Variants in ITGA8 observed in about 807,000 individuals in gnomAD.
ITGA8 encodes integrin subunit alpha 8, also known as integrin alpha-8.
Under a neutral mutation model 142.3 loss-of-function variants are expected in ITGA8, and 91 were observed. The ratio of observed to expected loss-of-function variants is 0.64; its 90% CI spans 0.54 to 0.76. The LOEUF (loss-of-function observed/expected upper bound fraction) is 0.76. ITGA8 is among the 30% of genes least tolerant of loss of function. ITGA8 has a pLI of 0.00. For synonymous variants in ITGA8, 505 were observed against 485.2 expected, an observed-to-expected ratio of 1.04 and a Z score of -0.54; for missense variants, 1,406 against 1,327.7, an observed-to-expected ratio of 1.06 and a Z score of -0.92.
intron 14 of ITGA8, among the ~76,000 whole-genome samples, chr10:15,614,599 G>C (rs894547577): frequency 5.3e-5 from 8 of 152,142 alleles, no homozygotes; most frequent in Admixed American, 1.3e-4. Flanking sequence ...TGGGGGAAGG[G>C]AATAGAGCAG....
intron 6 of ITGA8, among the ~76,000 whole-genome samples, chr10:15,675,280 C>T (rs1834605918): frequency 6.6e-6 from 1 of 152,110 alleles, no homozygotes; most frequent in Non-Finnish European, 1.5e-5. Flanking sequence ...CATCATCTTC[C>T]CTCTCCAGGC....
intron 12 of ITGA8, among the ~76,000 whole-genome samples, chr10:15,646,425 C>T (rs1479060801): frequency 6.6e-6 from 1 of 152,140 alleles, no homozygotes; most frequent in African/African-American, 2.4e-5. Context: ...TGTAGTAACA[C>T]CCTCAAACCA....
chr10:15,577,513 C>T (rs1274385893), intron 23 of ITGA8, among the ~76,000 whole-genome samples: 1 of 151,884 alleles, frequency 6.6e-6, no homozygotes, highest in East Asian at 1.9e-4. Flanking sequence ...AGTTCTGTAA[C>T]AAAAAATCAA....
chr10:15,594,451 A>G (rs1832979834), intron 21 of ITGA8, among the ~76,000 whole-genome samples: 1 of 152,082 alleles, frequency 6.6e-6, no homozygotes, highest in Non-Finnish European at 1.5e-5. Flanking sequence ...TGCCGACTCT[A>G]GCTTAGAACC....
In ITGA8 at chr10:15,687,962, C is replaced by G. The variant is rs146265894; in HGVS notation, c.420G>C (p.Val140=). Residue 140 remains valine, a synonymous_variant, in exon 3 of 30, where the codon GTG becomes GTC. Transcript: ENST00000378076. ...CCACAACTTTTCCTTTGTGAGCTTT[C>G]ACTGTTGCTCCAAACCACTGATTGG... ...FKSNQWFGAT[V]KAHKGKVVAC... 221 of 1,612,792 alleles carry G rather than the reference C, an allele frequency of 1.4e-4. 2 individuals are homozygous for G. In the African/African-American group the frequency reaches 2.8e-3, roughly 20 times the overall value.
chr10:15,599,256 T>G (rs1833061002), intron 20 of ITGA8, among the ~76,000 whole-genome samples: 1 of 152,044 alleles, frequency 6.6e-6, no homozygotes, highest in Non-Finnish European at 1.5e-5. Flanking sequence ...AGAGGAACAA[T>G]GACTTTTTAT....
In ITGA8 at chr10:15,536,951, T is replaced by C. The variant is rs569320698; in HGVS notation, c.2881-5800A>G. Among the ~76,000 whole-genome samples, 3 of 152,350 alleles carry C rather than the reference T, an allele frequency of 2.0e-5. No individual in the cohort carries two copies. In the South Asian group the frequency reaches 6.2e-4, roughly 32 times the overall value. ...TTTTAAAGCACATATCCATTTTATGTAGCCCGTTTTGAAATATTCAATATT... is the reference window on the plus strand; with the variant it reads ...TTTTAAAGCACATATCCATTTTATGCAGCCCGTTTTGAAATATTCAATATT... On this transcript the variant is annotated intron_variant, in intron 27 of 29. Coordinates refer to ENST00000378076, the MANE Select transcript of ITGA8 (RefSeq NM_003638.3).
At chr10:15,689,907 A>T (rs1258514696) in intron 2 of ITGA8, among the ~76,000 whole-genome samples, 3 of 152,122 alleles carry the variant, frequency 2.0e-5, no homozygotes, top group Non-Finnish European at 4.4e-5. Flanking sequence ...CCCACAGAGG[A>T]GCTGCACCCC....
At chr10:15,533,080 C>A (rs73598723) in intron 27 of ITGA8, among the ~76,000 whole-genome samples, 1 of 152,082 alleles carries the variant, frequency 6.6e-6, no homozygotes, top group East Asian at 1.9e-4. Context: ...AAAAATCTAC[C>A]AGTACATCAC....
chr10:15,557,955 G>A (rs1262743326), intron 26 of ITGA8, 119 bp downstream of exon 26: 2 of 1,241,536 alleles, frequency 1.6e-6, no homozygotes, highest in African/African-American at 1.5e-5. Flanking sequence ...CCAAACGTTA[G>A]GAATATCTGA....
chr10:15,529,098 T>C (rs1373351532), intron 28 of ITGA8, among the ~76,000 whole-genome samples: 2 of 151,906 alleles, frequency 1.3e-5, no homozygotes, highest in Admixed American at 6.6e-5. Flanking sequence ...CTTCCCTTCT[T>C]CCTTCCTTTC....
chr10:15,677,098 T>A (rs1200703450), intron 6 of ITGA8, among the ~76,000 whole-genome samples: 1 of 152,192 alleles, frequency 6.6e-6, no homozygotes, highest in East Asian at 1.9e-4. Flanking sequence ...GTTGATCTCA[T>A]CGAAGTAGAG....
intron 28 of ITGA8, among the ~76,000 whole-genome samples, chr10:15,523,340 A>G (rs1588622934): frequency 6.6e-6 from 1 of 152,214 alleles, no homozygotes; most frequent in South Asian, 2.1e-4. Context: ...GCAGTGATGA[A>G]AAAGTATAAT....
intron 28 of ITGA8, among the ~76,000 whole-genome samples, chr10:15,520,421 C>T (rs1030766634): frequency 1.3e-5 from 2 of 152,056 alleles, no homozygotes; most frequent in Non-Finnish European, 2.9e-5. Flanking sequence ...TTCTCCTTCC[C>T]GCCAAAAAAC....
intron 10 of ITGA8, among the ~76,000 whole-genome samples, chr10:15,657,873 T>C (rs1425775988): frequency 6.6e-6 from 1 of 152,216 alleles, no homozygotes; most frequent in Non-Finnish European, 1.5e-5. Context: ...TTATTTTAAA[T>C]TTGTCCTGCA....
At position 15,540,366 on chromosome 10, in the gene ITGA8, C is replaced by A. The variant is rs186437766; in HGVS notation, c.2880+8089G>T. ...CCATGAGATCCACCCTTTTAGCTCC[C>A]ACATAGGAGTGAGAACATGTGATAT... is the stretch of plus-strand genomic sequence containing the variant. On this transcript the variant is annotated intron_variant, in intron 27 of 29. Coordinates refer to ENST00000378076, the MANE Select transcript of ITGA8 (RefSeq NM_003638.3). 5.0e-4 allele frequency among the ~76,000 whole-genome samples: 76 copies of A among 152,242 alleles called. 1 individual carries two copies. The highest frequency in any genetic ancestry group is 1.7e-3 in the African/African-American group (69 of 41,524).
intron 20 of ITGA8, among the ~76,000 whole-genome samples, chr10:15,603,995 A>G (rs1833148704): frequency 6.6e-6 from 1 of 152,080 alleles, no homozygotes; most frequent in African/African-American, 2.4e-5. Context: ...TCTTTGGCCA[A>G]TCTATCTTTG....
intron 13 of ITGA8, among the ~76,000 whole-genome samples, chr10:15,628,996 G>T (rs758459111): frequency 6.6e-6 from 1 of 151,938 alleles, no homozygotes; most frequent in African/African-American, 2.4e-5. Flanking sequence ...AGGTTAAGGA[G>T]CTGCAAGTGC....
chr10:15,617,556 G>A (rs949948403), intron 13 of ITGA8, among the ~76,000 whole-genome samples: 6 of 151,994 alleles, frequency 3.9e-5, no homozygotes, highest in East Asian at 3.9e-4. Context: ...CTGCCACAAC[G>A]CCTGGCTGAT....
Sources: allele counts gnomAD v4.1 joint callset (sites outside exome capture counted in the v4.1 genomes callset), GRCh38; gene constraint gnomAD v4.1.1; transcripts MANE v1.5; gene names NCBI Gene and HGNC (gene_info 2026-07-23, HGNC 2026-07-21).